TMC1: variants seen among roughly 807,000 people sequenced by gnomAD.
The protein encoded by TMC1 is transmembrane channel like 1.
In TMC1, 84 loss-of-function variants were observed where a neutral mutation model predicts 105.8. The ratio of observed to expected loss-of-function variants is 0.79; its 90% CI spans 0.67 to 0.95. The LOEUF (loss-of-function observed/expected upper bound fraction) is 0.95, where lower values mean the gene tolerates loss of function less well. TMC1 is among the 40% of genes least tolerant of loss of function. The probability of loss-of-function intolerance (pLI) is 0.00; values close to 1 mark genes in which losing one functional copy is unlikely to be tolerated. For synonymous variants in TMC1, 315 were observed against 311.5 expected (o/e 1.01, Z -0.12); for missense variants, 817 against 914.1 (o/e 0.89, Z 1.37).
chr9:72,603,752 G>A (rs1824861125), intron 2 of TMC1, among the ~76,000 whole-genome samples: 4 of 149,110 alleles, frequency 2.7e-5, no homozygotes, highest in Admixed American at 2.0e-4. Context: ...GTTTCACCAT[G>A]TTGGCTGGTC....
At chr9:72,536,561 T>C (rs1024622691) in intron 1 of TMC1, among the ~76,000 whole-genome samples, 10 of 152,160 alleles carry the variant, frequency 6.6e-5, no homozygotes, top group Admixed American at 1.3e-4. Context: ...CTTGATCTCC[T>C]GACCTCGTGA....
chr9:72,734,807 G>T (rs1025332452), intron 8 of TMC1, among the ~76,000 whole-genome samples: 2 of 152,088 alleles, frequency 1.3e-5, no homozygotes, highest in East Asian at 1.9e-4. Context: ...CAATAAATTT[G>T]TTGCTCAATC....
At position 72,546,154 on chromosome 9, in the gene TMC1, G is replaced by C. The variant is rs999191021; in HGVS notation, c.-428+24241G>C. Among the ~76,000 whole-genome samples, 5 of 151,864 alleles carry C rather than the reference G, an allele frequency of 3.3e-5. No homozygotes were observed. The East Asian group carries it at 9.7e-4, about 29-fold the overall frequency. ...AAAAAAATGAAAAAATTAGCCCGGC[G>C]TGGTGGTGCATGTCTGTAATCCCAG... On this transcript the variant is annotated intron_variant, in intron 1 of 23. Coordinates refer to ENST00000297784, the MANE Select transcript of TMC1 (RefSeq NM_138691.3).
chr9:72,712,817 G>C (rs575140929), intron 8 of TMC1, among the ~76,000 whole-genome samples: 5 of 152,246 alleles, frequency 3.3e-5, no homozygotes, highest in African/African-American at 1.2e-4. Flanking sequence ...GAATAGGAGT[G>C]GTGAGAGAAG....
chr9:72,671,551 T>C (rs1263869918), intron 5 of TMC1, among the ~76,000 whole-genome samples: 1 of 152,012 alleles, frequency 6.6e-6, no homozygotes, highest in Admixed American at 6.6e-5. Context: ...ATTGGAAAAG[T>C]CAATTCATCC....
At chr9:72,670,773 A>G (rs1826116482) in intron 5 of TMC1, among the ~76,000 whole-genome samples, 1 of 152,212 alleles carries the variant, frequency 6.6e-6, no homozygotes, top group Admixed American at 6.5e-5. Flanking sequence ...GCGAGATGGG[A>G]TTCGCAGCAG....
At chr9:72,685,843 A>G (rs1249207754) in intron 5 of TMC1, among the ~76,000 whole-genome samples, 1 of 152,168 alleles carries the variant, frequency 6.6e-6, no homozygotes, top group Non-Finnish European at 1.5e-5. Context: ...AGCTATAAAC[A>G]TTGCTTCAAG....
intron 23 of TMC1, among the ~76,000 whole-genome samples, chr9:72,835,282 ACT>A (rs1829104047): frequency 6.6e-6 from 1 of 152,082 alleles, no homozygotes; most frequent in Non-Finnish European, 1.5e-5. Context: ...GTCCATCTTC[ACT>A]CTGTTCATCC....
At chr9:72,713,329 G>T (rs1285087593) in intron 8 of TMC1, among the ~76,000 whole-genome samples, 5 of 152,130 alleles carry the variant, frequency 3.3e-5, no homozygotes, top group African/African-American at 1.2e-4. Flanking sequence ...ATATTGTTTG[G>T]AATAGTTTCA....
At chr9:72,792,405 C>G (rs1437934434) in intron 17 of TMC1, 53 bp downstream of exon 17, 6 of 1,593,336 alleles carry the variant, frequency 3.8e-6, no homozygotes, top group Non-Finnish European at 4.3e-6. Flanking sequence ...AAAAGAGAGT[C>G]AATATCTCTT....
At chr9:72,628,316 C>G (rs990619655) in intron 4 of TMC1, 3 of 252,908 alleles carry the variant, frequency 1.2e-5, no homozygotes, top group African/African-American at 6.8e-5. Context: ...CAGATACATT[C>G]TGAACAAATA....
At chr9:72,611,648 G>A (rs1291988099) in intron 2 of TMC1, among the ~76,000 whole-genome samples, 1 of 152,178 alleles carries the variant, frequency 6.6e-6, no homozygotes, top group Non-Finnish European at 1.5e-5. Context: ...AATGGTAAGA[G>A]TAGGCTTGAG....
At chr9:72,536,161 G>A (rs891821869) in intron 1 of TMC1, among the ~76,000 whole-genome samples, 1 of 152,132 alleles carries the variant, frequency 6.6e-6, no homozygotes, top group Non-Finnish European at 1.5e-5. Context: ...TATCACCTGC[G>A]ACTCAAGGCA....
chr9:72,723,147 T>A (rs1827058155), intron 8 of TMC1, among the ~76,000 whole-genome samples: 1 of 152,214 alleles, frequency 6.6e-6, no homozygotes, highest in Non-Finnish European at 1.5e-5. Flanking sequence ...AGTGCATCAA[T>A]GACTTCTTAT....
intron 2 of TMC1, among the ~76,000 whole-genome samples, chr9:72,596,574 A>T (rs2132109300): frequency 6.6e-6 from 1 of 152,114 alleles, no homozygotes; most frequent in African/African-American, 2.4e-5. Context: ...CAGAAATAGA[A>T]AAAGAACAAT....
At chr9:72,522,175 A>G (rs1245345688) in intron 1 of TMC1, among the ~76,000 whole-genome samples, 2 of 72,034 alleles carry the variant, frequency 2.8e-5, no homozygotes, top group African/African-American at 7.9e-5. Context: ...TTTGAGACGG[A>G]GTCTTGCTCT....
At chr9:72,556,410 C>G (rs975812060) in intron 1 of TMC1, among the ~76,000 whole-genome samples, 4 of 151,848 alleles carry the variant, frequency 2.6e-5, no homozygotes, top group Non-Finnish European at 5.9e-5. Flanking sequence ...AGTCACTGTG[C>G]CTGGCTTACT....
At chr9:72,774,020 AATTTTATTAGGCTAT>A (rs1427441889) in intron 13 of TMC1, among the ~76,000 whole-genome samples, 17 of 152,202 alleles carry the variant, frequency 1.1e-4, no homozygotes, top group African/African-American at 2.9e-4. Flanking sequence ...AAATGTTAAC[AATTTTATTAGGCTAT>A]ATTTTATTAG....
At position 72,694,865 on chromosome 9, in the gene TMC1, G is replaced by A. The variant is rs1168370907; in HGVS notation, c.236+151G>A. 7.8e-5 allele frequency: 54 copies of A among 689,932 alleles called. No individual in the cohort carries two copies. The East Asian group carries it at 1.1e-3, about 14-fold the overall frequency. 42.7% of individuals were successfully genotyped at this position (689,932 alleles called of 1,614,324 possible). A position where few individuals can be genotyped will look rare whatever the true frequency, so the allele number is the denominator to read the frequency against. ...GCTATTTTATTCTACTTAATTAAAT[G>A]TATTTTAATGGTTAAAATAGAATTT... On this transcript the variant is annotated intron_variant, in intron 7 of 23. Transcript: ENST00000297784.
Sources: gnomAD v4.1 joint callset for allele counts (sites outside exome capture counted in the v4.1 genomes callset) on GRCh38, gnomAD v4.1.1 for gene constraint, MANE v1.5 for transcripts, NCBI Gene and HGNC (gene_info 2026-07-23, HGNC 2026-07-21) for gene names.